CADPS2: variants seen among roughly 807,000 people sequenced by gnomAD.
CADPS2 encodes calcium-dependent secretion activator 2.
Under a neutral mutation model 172.5 loss-of-function variants are expected in CADPS2, and 93 were observed. That is an observed-to-expected ratio of 0.54 (90% CI 0.46 to 0.64). The LOEUF is 0.64. Among genes scored for constraint, CADPS2 ranks in the 30% least tolerant of loss-of-function variants. The pLI is 0.00. For synonymous variants in CADPS2, 546 were observed against 555.2 expected (o/e 0.98, Z 0.23); for missense variants, 1,420 against 1,565.9 (o/e 0.91, Z 1.57).
At chr7:122,415,689 A>G (rs2047818797) in intron 18 of CADPS2, among the ~76,000 whole-genome samples, 1 of 152,052 alleles carries the variant, frequency 6.6e-6, no homozygotes, top group African/African-American at 2.4e-5. Context: ...TAGCTCTGAA[A>G]GTTGCCTTAG....
chr7:122,349,375 T>G (rs1251412043), intron 27 of CADPS2, among the ~76,000 whole-genome samples: 1 of 152,130 alleles, frequency 6.6e-6, no homozygotes, highest in Non-Finnish European at 1.5e-5. Context: ...GAGTAAATTA[T>G]TTTTTTCATA....
intron 9 of CADPS2, among the ~76,000 whole-genome samples, chr7:122,511,995 A>ACAAACAAAT (rs560888373): frequency 9.3e-4 from 141 of 152,266 alleles, no homozygotes; most frequent in African/African-American, 3.3e-3. Flanking sequence ...AGGGCTCTAT[A>ACAAACAAAT]CAAACAAATT....
intron 1 of CADPS2, among the ~76,000 whole-genome samples, chr7:122,811,063 G>A (rs1799921331): frequency 6.6e-6 from 1 of 152,116 alleles, no homozygotes; most frequent in South Asian, 2.1e-4. Context: ...ATAAACACAT[G>A]GAATGAGGGA....
Position 122,490,188 on chromosome 7 carries a change from A to T in CADPS2, c.1745T>A (p.Val582Asp), listed in dbSNP as rs1215134299. The T allele has an allele frequency of 6.2e-7, 1 of 1,613,434 alleles. No individual in the cohort carries two copies. The highest frequency in any genetic ancestry group is 8.5e-7 in the Non-Finnish European group (1 of 1,179,586). The change falls in exon 11 of 30, where the codon GTT (valine) becomes GAT (aspartate). Residue 582 changes from valine to aspartate, a missense_variant. Transcript: ENST00000449022. ...SDDEQDRILWVQAMYRATGQS... is the reference protein window; with the variant it reads ...SDDEQDRILWDQAMYRATGQS... ...ACCTGTGGCCCTATACATGGCTTGA[A>T]CCCATAATATTCTGTCCTGTTCATC...
intron 6 of CADPS2, among the ~76,000 whole-genome samples, chr7:122,610,152 A>G (rs2074108898): frequency 1.4e-5 from 1 of 71,294 alleles, no homozygotes; most frequent in Non-Finnish European, 3.4e-5. Flanking sequence ...AAAGAGTAAT[A>G]AAAAAAAAAA....
At chr7:122,474,281 A>G in intron 13 of CADPS2, 100 bp downstream of exon 13, 2 of 1,264,146 alleles carry the variant, frequency 1.6e-6, no homozygotes, top group Non-Finnish European at 2.2e-6. Context: ...GCTGGTTTAT[A>G]ACAAGTATTT....
At chr7:122,883,166 G>A (rs1248157873) in intron 1 of CADPS2, among the ~76,000 whole-genome samples, 1 of 152,072 alleles carries the variant, frequency 6.6e-6, no homozygotes. Context: ...TAACTTTGTG[G>A]ACCATTTTAG....
At chr7:122,469,141 A>G (rs1217368183) in intron 14 of CADPS2, among the ~76,000 whole-genome samples, 1 of 152,232 alleles carries the variant, frequency 6.6e-6, no homozygotes, top group Non-Finnish European at 1.5e-5. Flanking sequence ...GGCAACCAGT[A>G]GAGTCAAATC....
At chr7:122,836,420 C>T (rs971560636) in intron 1 of CADPS2, among the ~76,000 whole-genome samples, 58 of 152,076 alleles carry the variant, frequency 3.8e-4, no homozygotes, top group African/African-American at 1.3e-3. Context: ...ATCAAATTCA[C>T]ACATAACAAT....
At chr7:122,884,747 C>T (rs1425443526) in intron 1 of CADPS2, among the ~76,000 whole-genome samples, 3 of 152,108 alleles carry the variant, frequency 2.0e-5, no homozygotes, top group Non-Finnish European at 4.4e-5. Context: ...TGTACTTATC[C>T]CCATGATACT....
At chr7:122,773,368 T>C (rs2093764012) in intron 1 of CADPS2, among the ~76,000 whole-genome samples, 1 of 152,032 alleles carries the variant, frequency 6.6e-6, no homozygotes, top group Non-Finnish European at 1.5e-5. Flanking sequence ...GGTAATAATA[T>C]CCGTGTTCAT....
At chr7:122,774,241 AAT>A (rs200036624) in intron 1 of CADPS2, among the ~76,000 whole-genome samples, 22 of 148,132 alleles carry the variant, frequency 1.5e-4, no homozygotes, top group East Asian at 5.9e-4. Context: ...TTCAACAACA[AAT>A]ATATATATAT....
chr7:122,470,333 T>C (rs926322688), intron 14 of CADPS2, among the ~76,000 whole-genome samples: 2 of 151,650 alleles, frequency 1.3e-5, no homozygotes, highest in African/African-American at 4.8e-5. Flanking sequence ...TATTCACAAA[T>C]TGGGGATAGG....
Position 122,706,209 on chromosome 7 carries a change from C to T in CADPS2, c.453+30746G>A, listed in dbSNP as rs62651333. On this transcript the variant is annotated intron_variant, in intron 2 of 29. Transcript: ENST00000449022. ...TATATGCTTATATATTCAAGGAATA[C>T]ATATATGCTTATATATTCAAGGAAT... 9.8e-3 allele frequency among the ~76,000 whole-genome samples: 111 copies of T among 11,382 alleles called. 5 individuals are homozygous for T. The highest frequency in any genetic ancestry group is 0.027 in the African/African-American group (57 of 2,134). The allele number at this position is 11,382 out of a possible 152,430, so 7.5% of individuals were successfully genotyped here.
chr7:122,696,018 AACACT>A (rs1394267800), intron 2 of CADPS2, among the ~76,000 whole-genome samples: 1 of 152,202 alleles, frequency 6.6e-6, no homozygotes, highest in South Asian at 2.1e-4. Context: ...AGGGACTGCC[AACACT>A]ACAGATGCAT....
chr7:122,490,398 A>G, intron 10 of CADPS2, 117 bp from the exon 11 acceptor site: 1 of 740,088 alleles, frequency 1.4e-6, no homozygotes, highest in Non-Finnish European at 2.2e-6. Flanking sequence ...TAAATGTTTT[A>G]AAGAATATTT....
In CADPS2 at chr7:122,698,462, C is replaced by A. The variant is rs79046186; in HGVS notation, c.454-34893G>T. 785 of 1,613,894 alleles carry A rather than the reference C, an allele frequency of 4.9e-4. 3 individuals are homozygous for A. The African/African-American group carries it at 9.1e-3, about 19-fold the overall frequency. On this transcript the variant is annotated intron_variant, in intron 2 of 29. Transcript: ENST00000449022. ...GTGCCTTTTAAGTTACCAATCATAA[C>A]CACAACGACATCTTCAAATGCCTGA...
intron 6 of CADPS2, chr7:122,585,461 G>GAAAAAAAAAAAA (rs11369959): frequency 1.2e-5 from 1 of 80,174 alleles, no homozygotes. Context: ...CTCAACAAAG[G>GAAAAAAAAAAAA]AAAAAAAAAA....
chr7:122,430,897 A>C (rs182293570), intron 17 of CADPS2, among the ~76,000 whole-genome samples: 1 of 152,230 alleles, frequency 6.6e-6, no homozygotes, highest in Non-Finnish European at 1.5e-5. Context: ...GAAGAGAACT[A>C]TGATGATGGA....
Sources: gnomAD v4.1 joint callset for allele counts (sites outside exome capture counted in the v4.1 genomes callset) on GRCh38, gnomAD v4.1.1 for gene constraint, MANE v1.5 for transcripts, NCBI Gene and HGNC (gene_info 2026-07-23, HGNC 2026-07-21) for gene names.